CWF19L2: variants seen among roughly 807,000 people sequenced by gnomAD.
CWF19L2 encodes CWF19 like cell cycle control factor 2.
A neutral mutation model predicts 111.7 loss-of-function variants in CWF19L2; 98 were observed. The observed-to-expected ratio is 0.88, with a 90% CI of 0.75 to 1.04. The LOEUF is 1.04. Among genes scored for constraint, CWF19L2 ranks in the 50% least tolerant of loss-of-function variants. The probability of loss-of-function intolerance (pLI) is 0.00; values close to 1 mark genes in which losing one functional copy is unlikely to be tolerated. For missense variants in CWF19L2, 1,101 were observed against 1,051.4 expected (o/e 1.05, Z -0.65); for synonymous variants, 351 against 342.9 (o/e 1.02, Z -0.26).
rs184448097 is a variant in CWF19L2, at chr11:107,345,625, G to A, written c.2202+3312C>T. 1.4e-5 allele frequency: 4 copies of A among 289,024 alleles called. No homozygotes were observed. In the East Asian group the frequency reaches 4.1e-4, roughly 29 times the overall value. The allele number at this position is 289,024 out of a possible 1,614,324, so 17.9% of individuals were successfully genotyped here. A position where few individuals can be genotyped will look rare whatever the true frequency, so the allele number is the denominator to read the frequency against. On this transcript the variant is annotated intron_variant, in intron 14 of 17. Transcript: ENST00000282251. ...ACCTCATACTAATAGCTCCAAGGAGGATACACACACATTTAAGTACTTCTC... is the reference window on the plus strand; with the variant it reads ...ACCTCATACTAATAGCTCCAAGGAGAATACACACACATTTAAGTACTTCTC...
At chr11:107,329,231 C>T (rs992643706) in intron 17 of CWF19L2, among the ~76,000 whole-genome samples, 2 of 152,120 alleles carry the variant, frequency 1.3e-5, no homozygotes, top group Admixed American at 1.3e-4. Context: ...TAACTTTATT[C>T]CAGTTCCTGA....
At chr11:107,421,829 T>C (rs1442644353) in intron 8 of CWF19L2, among the ~76,000 whole-genome samples, 2 of 152,112 alleles carry the variant, frequency 1.3e-5, no homozygotes, top group Non-Finnish European at 2.9e-5. Context: ...ACAGTTACCA[T>C]ATGATTTAGC....
chr11:107,332,357 C>G (rs1349493107), intron 16 of CWF19L2, among the ~76,000 whole-genome samples: 2 of 152,112 alleles, frequency 1.3e-5, no homozygotes, highest in South Asian at 2.1e-4. Context: ...ACACTCAGAT[C>G]TGTTTTTCCT....
chr11:107,455,548 G>A (rs1303774614), intron 2 of CWF19L2, 118 bp downstream of exon 2: 1 of 586,558 alleles, frequency 1.7e-6, no homozygotes, highest in Middle Eastern at 2.8e-4. Flanking sequence ...TGCCAACTAT[G>A]TGATATTCAT....
chr11:107,327,528 A>T (rs970063621), intron 17 of CWF19L2, among the ~76,000 whole-genome samples: 4 of 152,198 alleles, frequency 2.6e-5, no homozygotes, highest in African/African-American at 9.6e-5. Context: ...ATCTTTTTTC[A>T]TGAAACAAAA....
intron 10 of CWF19L2, among the ~76,000 whole-genome samples, chr11:107,407,749 A>G (rs1861100744): frequency 6.6e-6 from 1 of 152,042 alleles, no homozygotes; most frequent in African/African-American, 2.4e-5. Context: ...CCAAAATTAG[A>G]TCATTAATAA....
rs941848688 is a variant in CWF19L2, at chr11:107,331,439, A to T, written c.2440-1420T>A. ...GTAATCATAAGGACACTAATAAGAG[A>T]GATAGGAAGGTCAGAGTCAGAGAAA... is the stretch of plus-strand genomic sequence containing the variant. On this transcript the variant is annotated intron_variant, in intron 16 of 17. Coordinates refer to ENST00000282251, the MANE Select transcript of CWF19L2 (RefSeq NM_152434.3). Among the ~76,000 whole-genome samples, 68 of 152,296 alleles carry T rather than the reference A, an allele frequency of 4.5e-4. 1 individual carries two copies. Among genetic ancestry groups the T allele is most frequent in the African/African-American group, 1.6e-3 (67 of 41,564 alleles).
At chr11:107,407,528 C>T (rs950424672) in intron 10 of CWF19L2, among the ~76,000 whole-genome samples, 1 of 151,800 alleles carries the variant, frequency 6.6e-6, no homozygotes, top group Non-Finnish European at 1.5e-5. Flanking sequence ...TTCATTTTTC[C>T]CTTAAATTTA....
At position 107,445,158 on chromosome 11, in the gene CWF19L2, G is replaced by A. The variant is rs143050705; in HGVS notation, c.340-2109C>T. On this transcript the variant is annotated intron_variant, in intron 3 of 17. Transcript: ENST00000282251. Reference sequence around the variant, plus strand: ...AAAACCATTCACAATTCTAATTCCAGCTATTCTTGAAGCCTAGCTGCATTC... The same window carrying A: ...AAAACCATTCACAATTCTAATTCCAACTATTCTTGAAGCCTAGCTGCATTC... 5.1e-3 allele frequency among the ~76,000 whole-genome samples: 771 copies of A among 152,318 alleles called. 6 individuals are homozygous for A. Among genetic ancestry groups the A allele is most frequent in the Non-Finnish European group, 7.5e-3 (509 of 68,028 alleles).
intron 16 of CWF19L2, among the ~76,000 whole-genome samples, chr11:107,330,902 A>G (rs1859840804): frequency 6.6e-6 from 1 of 152,074 alleles, no homozygotes; most frequent in Non-Finnish European, 1.5e-5. Flanking sequence ...GTCCTACTTA[A>G]CCATACAAAT....
At chr11:107,439,035 GAAAAAA>G (rs375132996) in intron 6 of CWF19L2, 49 bp downstream of exon 6, 5 of 292,176 alleles carry the variant, frequency 1.7e-5, no homozygotes, top group Non-Finnish European at 2.3e-5. Context: ...ACTCTGTCTC[GAAAAAA>G]AAAAAAAAAA....
chr11:107,433,719 C>A lies in CWF19L2; in HGVS notation c.695G>T (p.Trp232Leu). The A allele has an allele frequency of 6.3e-7, 1 of 1,584,706 alleles. No individual in the cohort carries two copies. The change falls in exon 7 of 18, where the codon TGG becomes TTG. Residue 232 changes from tryptophan (W) to leucine (L), a missense_variant. Trp to Leu is a moderately conservative substitution (Grantham distance 61). Transcript: ENST00000282251. The stretch of plus-strand genomic sequence containing the variant: ...CATTCTTAGATAAGATTTCCTTAGC[C>A]AGCTTAATCCACCATCTTCTACCAC... ...VSVVEDGGLSWLRKSYLRMKE... is the reference protein window; with the variant it reads ...VSVVEDGGLSLLRKSYLRMKE...
intron 8 of CWF19L2, among the ~76,000 whole-genome samples, chr11:107,424,233 AACTG>A (rs1861343503): frequency 6.6e-6 from 1 of 151,278 alleles, no homozygotes; most frequent in Admixed American, 6.6e-5. Flanking sequence ...CTACTTTTAT[AACTG>A]AAATGGACCC....
At chr11:107,404,411 G>C in intron 10 of CWF19L2, 1 of 784,936 alleles carries the variant, frequency 1.3e-6, no homozygotes, top group African/African-American at 1.7e-5. Context: ...TGGGGGTTTT[G>C]GAATTATAGT....
chr11:107,404,237 C>T (rs1395286574), intron 10 of CWF19L2: 21 of 777,900 alleles, frequency 2.7e-5, no homozygotes, highest in Non-Finnish European at 5.0e-5. Flanking sequence ...TGCTTCGTAT[C>T]CATTTAAATA....
chr11:107,404,236 T>C, intron 10 of CWF19L2: 2 of 778,098 alleles, frequency 2.6e-6, no homozygotes, highest in South Asian at 2.7e-5. Flanking sequence ...CTGCTTCGTA[T>C]CCATTTAAAT....
intron 14 of CWF19L2, among the ~76,000 whole-genome samples, chr11:107,338,256 G>C (rs1468211559): frequency 6.6e-6 from 1 of 152,038 alleles, no homozygotes; most frequent in African/African-American, 2.4e-5. Flanking sequence ...CCCTTTTACA[G>C]TCACAGTCAT....
At chr11:107,347,067 A>G (rs1000677717) in intron 14 of CWF19L2, among the ~76,000 whole-genome samples, 2 of 152,208 alleles carry the variant, frequency 1.3e-5, no homozygotes, top group Admixed American at 1.3e-4. Flanking sequence ...CCTACAGCAT[A>G]TGTTCAAGAA....
At chr11:107,375,348 C>A (rs1334805969) in intron 12 of CWF19L2, among the ~76,000 whole-genome samples, 2 of 135,886 alleles carry the variant, frequency 1.5e-5, no homozygotes, top group Admixed American at 1.4e-4. Flanking sequence ...ACACCTATTC[C>A]AAAATTGACC....
Sources: gnomAD v4.1 joint callset for allele counts (sites outside exome capture counted in the v4.1 genomes callset) on GRCh38, gnomAD v4.1.1 for gene constraint, MANE v1.5 for transcripts, NCBI Gene and HGNC (gene_info 2026-07-23, HGNC 2026-07-21) for gene names.